Variants in TMEM232 observed in about 807,000 individuals in gnomAD.
TMEM232 encodes transmembrane protein 232.
TMEM232 carries 80 observed loss-of-function variants against 78.8 expected under a neutral mutation model. That is an observed-to-expected ratio of 1.01 (90% CI 0.85 to 1.22). The LOEUF (loss-of-function observed/expected upper bound fraction) is 1.22. Ranked by LOEUF, TMEM232 falls within the 50% of genes most tolerant of loss-of-function variation. TMEM232 has a pLI of 0.00. For missense variants in TMEM232, 881 were observed against 742.2 expected (o/e 1.19, Z -2.17); for synonymous variants, 297 against 254.3 (o/e 1.17, Z -1.60).
At position 110,599,877 on chromosome 5, in the gene TMEM232, C is replaced by G. The variant is rs540781486; in HGVS notation, c.1276+5232G>C. ...AACAGAATATACACTCTTCTCAGCA[C>G]CACATCACACCTATTCTAAAATCGA... On this transcript the variant is annotated intron_variant, in intron 10 of 13. Coordinates refer to ENST00000455884, the MANE Select transcript of TMEM232 (RefSeq NM_001039763.4). 3.9e-5 allele frequency among the ~76,000 whole-genome samples: 6 copies of G among 152,296 alleles called. No homozygotes were observed. The East Asian group carries it at 1.2e-3, about 29-fold the overall frequency.
At chr5:110,491,947 A>G (rs1187099604) in intron 12 of TMEM232, among the ~76,000 whole-genome samples, 2 of 151,954 alleles carry the variant, frequency 1.3e-5, no homozygotes, top group Non-Finnish European at 2.9e-5. Context: ...TCTAAACAAA[A>G]TAGACAAATT....
chr5:110,616,205 G>A (rs1208047444), intron 8 of TMEM232, among the ~76,000 whole-genome samples: 1 of 152,038 alleles, frequency 6.6e-6, no homozygotes, highest in Non-Finnish European at 1.5e-5. Flanking sequence ...AAACAGCACG[G>A]CAATTGCATA....
chr5:110,546,410 A>T (rs1773789639), intron 11 of TMEM232, among the ~76,000 whole-genome samples: 1 of 152,102 alleles, frequency 6.6e-6, no homozygotes. Flanking sequence ...GCATAAAAAG[A>T]GAAAATTTCT....
chr5:110,488,564 T>C (rs1371251639), intron 12 of TMEM232, among the ~76,000 whole-genome samples: 5 of 152,076 alleles, frequency 3.3e-5, no homozygotes, highest in African/African-American at 9.7e-5. Context: ...AGAATTTTAG[T>C]GTTTTTATTT....
At chr5:110,485,243 C>T (rs1447671994) in intron 12 of TMEM232, among the ~76,000 whole-genome samples, 1 of 152,156 alleles carries the variant, frequency 6.6e-6, no homozygotes, top group Non-Finnish European at 1.5e-5. Context: ...AAAATACCTA[C>T]TAGGCGTAAG....
At chr5:110,511,808 T>TA (rs1767789593) in intron 12 of TMEM232, among the ~76,000 whole-genome samples, 1 of 152,156 alleles carries the variant, frequency 6.6e-6, no homozygotes, top group Non-Finnish European at 1.5e-5. Context: ...CTCTACCACA[T>TA]AAAACACATT....
At chr5:110,669,671 A>G (rs977824016) in intron 1 of TMEM232, among the ~76,000 whole-genome samples, 2 of 152,192 alleles carry the variant, frequency 1.3e-5, no homozygotes, top group Non-Finnish European at 2.9e-5. Flanking sequence ...TGGCAGAGAC[A>G]CAACCAAAAA....
chr5:110,409,351 G>T (rs1421371893), intron 2 of TMEM232, among the ~76,000 whole-genome samples: 1 of 152,166 alleles, frequency 6.6e-6, no homozygotes, highest in Admixed American at 6.5e-5. Flanking sequence ...GTTAATTAAG[G>T]TTGGTTGTGA....
intron 12 of TMEM232, among the ~76,000 whole-genome samples, chr5:110,496,218 G>A (rs1237453456): frequency 4.0e-5 from 6 of 151,862 alleles, no homozygotes; most frequent in Non-Finnish European, 8.8e-5. Context: ...TAGGTATACT[G>A]AATTTACTTG....
intron 11 of TMEM232, among the ~76,000 whole-genome samples, chr5:110,556,988 C>T (rs75020770): frequency 0.039 from 5,902 of 152,144 alleles, 179 homozygotes; most frequent in African/African-American, 0.081. Context: ...TTGTTTGTCT[C>T]CCTCTCTTTC....
chr5:110,499,124 T>G (rs1352234189), intron 12 of TMEM232, among the ~76,000 whole-genome samples: 1 of 152,086 alleles, frequency 6.6e-6, no homozygotes, highest in Non-Finnish European at 1.5e-5. Context: ...ATTTCATTAA[T>G]GCAAAATAAG....
chr5:110,524,449 G>C (rs918091151), intron 12 of TMEM232, among the ~76,000 whole-genome samples: 1 of 150,176 alleles, frequency 6.7e-6, no homozygotes, highest in Non-Finnish European at 1.5e-5. Flanking sequence ...AGAAAGGAAA[G>C]AAAGAAAGAA....
intron 10 of TMEM232, among the ~76,000 whole-genome samples, chr5:110,587,961 T>C (rs968189517): frequency 6.6e-6 from 1 of 151,746 alleles, no homozygotes; most frequent in Admixed American, 6.6e-5. Flanking sequence ...ATATATATTT[T>C]TTTAAAGAGT....
chr5:110,437,588 T>C (rs1180947515), intron 12 of TMEM232, among the ~76,000 whole-genome samples: 1 of 152,044 alleles, frequency 6.6e-6, no homozygotes, highest in Non-Finnish European at 1.5e-5. Flanking sequence ...TATTATATTA[T>C]TATCATTACT....
At position 110,605,540 on chromosome 5, in the gene TMEM232, A is replaced by G. The variant is rs370997762; in HGVS notation, c.1027-182T>C. On this transcript the variant is annotated intron_variant, in intron 9 of 13. Transcript: ENST00000455884. ...ATACAGTTCAAAGAATAAAAAATAT[A>G]GATAGCTAATAATTATATATAGAAC... is the stretch of plus-strand genomic sequence containing the variant. 5.9e-5 allele frequency among the ~76,000 whole-genome samples: 9 copies of G among 152,308 alleles called. 1 individual carries two copies. Among genetic ancestry groups the G allele is most frequent in the East Asian group, 5.8e-4 (3 of 5,192 alleles).
At chr5:110,671,664 G>A (rs148848337) in intron 1 of TMEM232, among the ~76,000 whole-genome samples, 1,807 of 152,146 alleles carry the variant, frequency 0.012, 45 homozygotes, top group African/African-American at 0.04. Context: ...CAAACATTGC[G>A]TATTCTCACT....
chr5:110,695,356 A>T (rs1047911263), intron 1 of TMEM232, among the ~76,000 whole-genome samples: 1 of 152,242 alleles, frequency 6.6e-6, no homozygotes, highest in African/African-American at 2.4e-5. Flanking sequence ...AGCAGGAAAG[A>T]TCTAAAATTG....
intron 12 of TMEM232, among the ~76,000 whole-genome samples, chr5:110,504,673 C>G (rs755825304): frequency 3.7e-4 from 57 of 152,156 alleles, no homozygotes; most frequent in Admixed American, 3.3e-3. Flanking sequence ...CCCAGCTTAC[C>G]CAGTCAGGCA....
rs1373302983 is a variant in TMEM232 at position 110,582,307 on chromosome 5, C to A, written c.1277-13682G>T. On this transcript the variant is annotated intron_variant, in intron 10 of 13. Coordinates refer to ENST00000455884, the MANE Select transcript of TMEM232 (RefSeq NM_001039763.4). ...GGATAAAAAACATATGGTACATATA[C>A]ACCATGGCATACTACACAGCCATAA... Among the ~76,000 whole-genome samples, 3 of 152,040 alleles carry A rather than the reference C, an allele frequency of 2.0e-5. No homozygotes were observed. The South Asian group carries it at 6.2e-4, about 31-fold the overall frequency.
Sources: gnomAD v4.1 joint callset for allele counts (sites outside exome capture counted in the v4.1 genomes callset) on GRCh38, gnomAD v4.1.1 for gene constraint, MANE v1.5 for transcripts, NCBI Gene and HGNC (gene_info 2026-07-23, HGNC 2026-07-21) for gene names.